KATNIP: variants seen among roughly 807,000 people sequenced by gnomAD.
The protein encoded by KATNIP is katanin interacting protein, also known as katanin-interacting protein.
A neutral mutation model predicts 174.0 loss-of-function variants in KATNIP; 126 were observed. The ratio of observed to expected loss-of-function variants is 0.72; its 90% CI spans 0.63 to 0.84. KATNIP has a LOEUF of 0.84. KATNIP is among the 40% of genes least tolerant of loss of function. KATNIP has a pLI of 0.00. For missense variants in KATNIP, 1,958 were observed against 2,109.7 expected (o/e 0.93, Z 1.41); for synonymous variants, 810 against 835.7 (o/e 0.97, Z 0.53).
intron 7 of KATNIP, among the ~76,000 whole-genome samples, chr16:27,680,375 G>A (rs1184640566): frequency 2.0e-5 from 3 of 152,170 alleles, no homozygotes; most frequent in African/African-American, 7.2e-5. Context: ...AGAGGTGACT[G>A]AGTCTCCACC....
intron 19 of KATNIP, among the ~76,000 whole-genome samples, chr16:27,762,600 G>A (rs982337794): frequency 6.6e-6 from 1 of 152,186 alleles, no homozygotes; most frequent in African/African-American, 2.4e-5. Flanking sequence ...TTCCTTATCA[G>A]TAGAATGAGG....
At chr16:27,671,310 T>C (rs1370693180) in intron 6 of KATNIP, among the ~76,000 whole-genome samples, 1 of 152,256 alleles carries the variant, frequency 6.6e-6, no homozygotes, top group South Asian at 2.1e-4. Flanking sequence ...GTTCGTGTTA[T>C]ATGTACATTT....
At chr16:27,703,872 T>G (rs758062607) in intron 11 of KATNIP, 24 bp from the exon 12 acceptor site, 2 of 1,578,242 alleles carry the variant, frequency 1.3e-6, no homozygotes, top group Non-Finnish European at 1.7e-6. Context: ...ACTTCCTGTT[T>G]GCTAAAACCA....
At position 27,766,137 on chromosome 16, in the gene KATNIP, C is replaced by T. The variant is rs1378441993; in HGVS notation, c.3810-172C>T. On this transcript the variant is annotated intron_variant, in intron 19 of 27. Coordinates refer to ENST00000261588, the MANE Select transcript of KATNIP (RefSeq NM_015202.5). The stretch of plus-strand genomic sequence containing the variant: ...AATGTCTCATTTCATAGATGAGAGA[C>T]GACTTCTGACTGTTGTTCTCAGCAG... Among the ~76,000 whole-genome samples the T allele has an allele frequency of 2.0e-5, 3 of 151,348 alleles. No homozygotes were observed. In the East Asian group the frequency reaches 5.8e-4, roughly 29 times the overall value.
intron 2 of KATNIP, among the ~76,000 whole-genome samples, chr16:27,603,001 A>G (rs1052331634): frequency 6.6e-6 from 1 of 152,224 alleles, no homozygotes; most frequent in African/African-American, 2.4e-5. Context: ...CACCCAGCTG[A>G]TGCCAGGGCT....
chr16:27,627,137 C>T (rs547430036), intron 3 of KATNIP, among the ~76,000 whole-genome samples: 1 of 152,214 alleles, frequency 6.6e-6, no homozygotes, highest in Non-Finnish European at 1.5e-5. Flanking sequence ...CTTGCAGACA[C>T]GTGCAGAGAG....
chr16:27,586,215 A>G (rs1386508588), intron 2 of KATNIP, among the ~76,000 whole-genome samples: 1 of 152,188 alleles, frequency 6.6e-6, no homozygotes, highest in Non-Finnish European at 1.5e-5. Context: ...TATGCATTGT[A>G]TCCCTGTATA....
chr16:27,639,021 A>G (rs929109549), intron 5 of KATNIP, among the ~76,000 whole-genome samples: 2 of 151,796 alleles, frequency 1.3e-5, no homozygotes, highest in Admixed American at 6.6e-5. Context: ...ACCAAGCCCA[A>G]TCCATTCACC....
In KATNIP at chr16:27,566,022, G is replaced by GT. The variant is rs200468514; in HGVS notation, c.8-7861dup. Among the ~76,000 whole-genome samples the GT allele has an allele frequency of 4.4e-3, 577 of 131,640 alleles. 1 individual carries two copies. Among genetic ancestry groups the GT allele is most frequent in the Admixed American group, 5.7e-3 (74 of 12,920 alleles). 86.4% of individuals were successfully genotyped at this position (131,640 alleles called of 152,430 possible). On this transcript the variant is annotated intron_variant, in intron 1 of 27. Transcript: ENST00000261588. ...CCTTTCTGTATGGAAACCAGCAGCT[G>GT]TTTTTTTTTTTTTTTTTTAAGAGAT... is the stretch of plus-strand genomic sequence containing the variant.
intron 2 of KATNIP, among the ~76,000 whole-genome samples, chr16:27,614,566 C>A (rs972548054): frequency 1.4e-4 from 21 of 152,206 alleles, no homozygotes; most frequent in African/African-American, 2.4e-4. Context: ...GCATCAGCCA[C>A]CCAGAGCACT....
At chr16:27,632,343 A>T in intron 5 of KATNIP, 1 of 201,144 alleles carries the variant, frequency 5.0e-6, no homozygotes, top group South Asian at 6.0e-5. Flanking sequence ...GTTCAGAGGG[A>T]TAAGACGGAT....
At chr16:27,614,915 G>A (rs2142038590) in intron 2 of KATNIP, among the ~76,000 whole-genome samples, 1 of 152,282 alleles carries the variant, frequency 6.6e-6, no homozygotes, top group Non-Finnish European at 1.5e-5. Flanking sequence ...AGGCATGACT[G>A]GGCTGCACAT....
At chr16:27,661,809 A>C (rs1319053646) in intron 6 of KATNIP, among the ~76,000 whole-genome samples, 1 of 144,282 alleles carries the variant, frequency 6.9e-6, no homozygotes, top group African/African-American at 2.6e-5. Context: ...GCAGTGGCGT[A>C]ATCATAGCTC....
At chr16:27,690,490 T>C (rs2078692907) in intron 8 of KATNIP, among the ~76,000 whole-genome samples, 1 of 152,178 alleles carries the variant, frequency 6.6e-6, no homozygotes, top group South Asian at 2.1e-4. Context: ...ATTGCAGCGG[T>C]CCACATACAG....
intron 6 of KATNIP, chr16:27,660,042 G>A: frequency 1.0e-6 from 1 of 978,172 alleles, no homozygotes; most frequent in Non-Finnish European, 1.2e-6. Flanking sequence ...CTTGTTTTAG[G>A]GAGGAGAAAT....
At chr16:27,609,025 A>G (rs1200874508) in intron 2 of KATNIP, among the ~76,000 whole-genome samples, 6 of 151,522 alleles carry the variant, frequency 4.0e-5, no homozygotes, top group Non-Finnish European at 8.8e-5. Context: ...ACACCCCCAA[A>G]CCTTTGTTCA....
rs12920223 is a variant in KATNIP at position 27,592,300 on chromosome 16, T to A, written c.63+18344T>A. ...TTTTTTTTTTTTTTTTTTTTTTTTT[T>A]GAGACAGAGTTTTACTCTTGTTGCC... is the stretch of plus-strand genomic sequence containing the variant. On this transcript the variant is annotated intron_variant, in intron 2 of 27. Transcript: ENST00000261588. Among the ~76,000 whole-genome samples the A allele has an allele frequency of 3.1e-4, 18 of 58,796 alleles. No individual in the cohort carries two copies. In the South Asian group the frequency reaches 0.011, roughly 37 times the overall value. 38.6% of individuals were successfully genotyped at this position (58,796 alleles called of 152,430 possible).
At chr16:27,724,135 C>G (rs1026150218) in intron 14 of KATNIP, among the ~76,000 whole-genome samples, 3 of 152,182 alleles carry the variant, frequency 2.0e-5, no homozygotes, top group Non-Finnish European at 4.4e-5. Flanking sequence ...TGCTTGCCAG[C>G]CCTGGCCTCT....
At chr16:27,630,119 G>C (rs894883988) in intron 4 of KATNIP, among the ~76,000 whole-genome samples, 1 of 152,220 alleles carries the variant, frequency 6.6e-6, no homozygotes, top group Non-Finnish European at 1.5e-5. Context: ...CCTTGTTGGA[G>C]AGGCCAGTGT....
Sources: allele counts gnomAD v4.1 joint callset (sites outside exome capture counted in the v4.1 genomes callset), GRCh38; gene constraint gnomAD v4.1.1; transcripts MANE v1.5; gene names NCBI Gene and HGNC (gene_info 2026-07-23, HGNC 2026-07-21).